FILIP1L: variants seen among roughly 807,000 people sequenced by gnomAD.
FILIP1L encodes the protein filamin A-interacting protein 1-like.
Under a neutral mutation model 96.6 loss-of-function variants are expected in FILIP1L, and 55 were observed. That is an observed-to-expected ratio of 0.57 (90% CI 0.46 to 0.71). The LOEUF (loss-of-function observed/expected upper bound fraction) is 0.71, where lower values mean the gene tolerates loss of function less well. FILIP1L is among the 30% of genes least tolerant of loss of function. The pLI, the probability that FILIP1L is intolerant of heterozygous loss-of-function variation, is 0.00. For synonymous variants in FILIP1L, 467 were observed against 473.9 expected, an observed-to-expected ratio of 0.99 and a Z score of 0.19; for missense variants, 1,304 against 1,321.2, an observed-to-expected ratio of 0.99 and a Z score of 0.20.
At chr3:99,924,479 T>C (rs1288277058) in intron 3 of FILIP1L, 71 bp from the exon 4 acceptor site, 1 of 1,427,236 alleles carries the variant, frequency 7.0e-7, no homozygotes, top group African/African-American at 1.4e-5. Flanking sequence ...CTTTTAGAAA[T>C]GTCCCTGTTT....
At chr3:99,876,465 CT>C (rs1269543974) in intron 4 of FILIP1L, among the ~76,000 whole-genome samples, 2 of 152,340 alleles carry the variant, frequency 1.3e-5, no homozygotes, top group African/African-American at 4.8e-5. Context: ...CCGCTTGTAA[CT>C]TTTTTCCCTC....
chr3:99,898,875 A>G (rs1267269521), intron 4 of FILIP1L: 1 of 152,184 alleles, frequency 6.6e-6, no homozygotes, highest in African/African-American at 2.4e-5. Flanking sequence ...AAGAAGGTAC[A>G]ATTGAATGAG....
At chr3:100,084,034 AAATAAT>A (rs1249862592) in intron 1 of FILIP1L, among the ~76,000 whole-genome samples, 1 of 152,154 alleles carries the variant, frequency 6.6e-6, no homozygotes, top group African/African-American at 2.4e-5. Flanking sequence ...TCCTTTCATA[AAATAAT>A]AATAATGCTT....
chr3:100,019,143 G>A (rs1328189290), intron 1 of FILIP1L, among the ~76,000 whole-genome samples: 1 of 152,066 alleles, frequency 6.6e-6, no homozygotes, highest in Non-Finnish European at 1.5e-5. Flanking sequence ...ATAAAAATAG[G>A]TCTACCTTAT....
intron 4 of FILIP1L, among the ~76,000 whole-genome samples, chr3:99,875,892 A>G (rs1489214461): frequency 6.6e-6 from 1 of 152,198 alleles, no homozygotes; most frequent in Non-Finnish European, 1.5e-5. Flanking sequence ...GAAAACTTCT[A>G]CTTTCAAGTT....
In FILIP1L at chr3:99,923,658, A is replaced by G. The variant is rs779114183; in HGVS notation, c.605+572T>C. ...CCTCCTATGTGAGTTTCCTGCGCCCAGTCTAAAGCTCCTCCAGTTGTTCCT... is the reference window on the plus strand; with the variant it reads ...CCTCCTATGTGAGTTTCCTGCGCCCGGTCTAAAGCTCCTCCAGTTGTTCCT... On this transcript the variant is annotated intron_variant, in intron 4 of 5. Coordinates refer to ENST00000477258, the MANE Select transcript of FILIP1L (RefSeq NM_001387850.1). Among the ~76,000 whole-genome samples the G allele has an allele frequency of 1.6e-4, 25 of 152,062 alleles. 1 individual carries two copies. The highest frequency in any genetic ancestry group is 3.4e-4 in the Non-Finnish European group (23 of 67,996).
chr3:100,040,289 A>G (rs2065181917), intron 1 of FILIP1L: 1 of 152,140 alleles, frequency 6.6e-6, no homozygotes, highest in African/African-American at 2.4e-5. Flanking sequence ...ATTCTCATCT[A>G]ACTCCCTCTT....
chr3:99,829,824 A>G lies in FILIP1L; in HGVS notation c.*590T>C, dbSNP rs992110597. Among the ~76,000 whole-genome samples, 1 of 152,332 alleles carries G rather than the reference A, an allele frequency of 6.6e-6. No individual in the cohort carries two copies. The highest frequency in any genetic ancestry group is 3.4e-3 in the Middle Eastern group (1 of 294). On this transcript the variant is annotated 3_prime_UTR_variant, in exon 6 of 6. Coordinates refer to ENST00000477258, the MANE Select transcript of FILIP1L (RefSeq NM_001387850.1). ...CTTACTACACCAGTGATTGTCAGGTATTCTGCACAAAGGATATATTCGGCT... is the reference window on the plus strand; with the variant it reads ...CTTACTACACCAGTGATTGTCAGGTGTTCTGCACAAAGGATATATTCGGCT...
At chr3:99,946,434 A>G (rs879705576) in intron 1 of FILIP1L, among the ~76,000 whole-genome samples, 10 of 152,218 alleles carry the variant, frequency 6.6e-5, no homozygotes, top group Non-Finnish European at 1.5e-4. Flanking sequence ...TGTGGCTGCT[A>G]AACAAAAGAC....
chr3:99,889,977 C>A lies in FILIP1L; in HGVS notation c.605+34253G>T, dbSNP rs112629900. Among the ~76,000 whole-genome samples the A allele has an allele frequency of 7.3e-3, 1,106 of 151,996 alleles. 19 individuals carry two copies. Among genetic ancestry groups the A allele is most frequent in the African/African-American group, 0.025 (1,018 of 41,462 alleles). Reference sequence around the variant, plus strand: ...GATATACCAATATATTTAACACTTTCTTCGCCTCTTATTTCTTCTTTTATT... The same window carrying A: ...GATATACCAATATATTTAACACTTTATTCGCCTCTTATTTCTTCTTTTATT... On this transcript the variant is annotated intron_variant, in intron 4 of 5. Transcript: ENST00000477258.
At chr3:99,843,376 TC>T (rs1318381725) in intron 5 of FILIP1L, among the ~76,000 whole-genome samples, 3 of 152,174 alleles carry the variant, frequency 2.0e-5, no homozygotes, top group African/African-American at 7.2e-5. Flanking sequence ...TATTGAGCTT[TC>T]CTTTTAAATA....
At chr3:100,108,938 G>T (rs527273529) in intron 1 of FILIP1L, among the ~76,000 whole-genome samples, 1 of 151,924 alleles carries the variant, frequency 6.6e-6, no homozygotes, top group South Asian at 2.1e-4. Context: ...GGCCAGTTTC[G>T]CAACATGGCA....
chr3:100,081,889 G>A (rs938563079), intron 1 of FILIP1L, among the ~76,000 whole-genome samples: 9 of 152,096 alleles, frequency 5.9e-5, no homozygotes, highest in Non-Finnish European at 1.0e-4. Flanking sequence ...AGCACCCTCC[G>A]AGTTGTGACA....
chr3:99,933,001 A>T (rs1306626612), intron 1 of FILIP1L, among the ~76,000 whole-genome samples: 1 of 152,218 alleles, frequency 6.6e-6, no homozygotes, highest in Non-Finnish European at 1.5e-5. Flanking sequence ...GTATTAGCTC[A>T]TTCAAGTCTC....
chr3:100,010,261 G>A (rs1321519646), intron 1 of FILIP1L: 2 of 318,468 alleles, frequency 6.3e-6, no homozygotes, highest in African/African-American at 4.5e-5. Context: ...CCACAACATT[G>A]TCCTTAGTAG....
At chr3:99,842,242 C>G (rs186031499) in intron 5 of FILIP1L, among the ~76,000 whole-genome samples, 17 of 152,234 alleles carry the variant, frequency 1.1e-4, no homozygotes, top group African/African-American at 3.9e-4. Context: ...AATGGAAAAC[C>G]AAACATTGTA....
At position 99,842,555 on chromosome 3, in the gene FILIP1L, G is replaced by A. The variant is rs377637320; in HGVS notation, c.3381+5740C>T. ...AGGTAACCCCTCAAATATCATACCA[G>A]GACCATTTGGCTATGAGGAGGAAGA... On this transcript the variant is annotated intron_variant, in intron 5 of 5. Coordinates refer to ENST00000477258, the MANE Select transcript of FILIP1L (RefSeq NM_001387850.1). Among the ~76,000 whole-genome samples, 5 of 149,070 alleles carry A rather than the reference G, an allele frequency of 3.4e-5. No individual in the cohort carries two copies. The East Asian group carries it at 7.7e-4, about 23-fold the overall frequency.
chr3:100,008,222 T>C (rs1430358257), intron 1 of FILIP1L, among the ~76,000 whole-genome samples: 1 of 152,146 alleles, frequency 6.6e-6, no homozygotes, highest in African/African-American at 2.4e-5. Context: ...TTAAGGTCAT[T>C]CCTGATAAAG....
intron 1 of FILIP1L, among the ~76,000 whole-genome samples, chr3:100,051,009 T>C (rs1172132461): frequency 6.6e-6 from 1 of 152,178 alleles, no homozygotes; most frequent in African/African-American, 2.4e-5. Context: ...AGTTTCTTCT[T>C]GCAAACAATC....
Sources: gnomAD v4.1 joint callset for allele counts (sites outside exome capture counted in the v4.1 genomes callset) on GRCh38, gnomAD v4.1.1 for gene constraint, MANE v1.5 for transcripts, NCBI Gene and HGNC (gene_info 2026-07-23, HGNC 2026-07-21) for gene names.